The following CNTN4 variants were observed in gnomAD, a reference collection of about 807,000 sequenced individuals.
CNTN4 encodes contactin-4.
A neutral mutation model predicts 122.5 loss-of-function variants in CNTN4; 77 were observed. The observed-to-expected ratio is 0.63, with a 90% CI of 0.52 to 0.76. The LOEUF (loss-of-function observed/expected upper bound fraction) is 0.76, where lower values mean the gene tolerates loss of function less well. CNTN4 is among the 30% of genes least tolerant of loss of function. The pLI, the probability that CNTN4 is intolerant of heterozygous loss-of-function variation, is 0.00. For missense variants in CNTN4, 1,256 were observed against 1,259.1 expected (o/e 1.00, Z 0.04); for synonymous variants, 512 against 447.0 (o/e 1.15, Z -1.83).
intron 2 of CNTN4, among the ~76,000 whole-genome samples, chr3:2,202,702 A>T (rs1397402137): frequency 6.6e-6 from 1 of 152,152 alleles, no homozygotes. Flanking sequence ...AAGGTCACAT[A>T]GCTAGATAAT....
intron 3 of CNTN4, among the ~76,000 whole-genome samples, chr3:2,465,055 T>C (rs942679564): frequency 6.6e-6 from 1 of 152,224 alleles, no homozygotes; most frequent in African/African-American, 2.4e-5. Context: ...TGGTGATGGT[T>C]GCACAGCAGT....
chr3:2,197,769 A>G (rs2037914263), intron 2 of CNTN4, among the ~76,000 whole-genome samples: 1 of 152,126 alleles, frequency 6.6e-6, no homozygotes, highest in South Asian at 2.1e-4. Context: ...TAATAACAGC[A>G]CTTTAGGAGG....
chr3:2,455,854 G>A (rs1559567851), intron 3 of CNTN4, among the ~76,000 whole-genome samples: 1 of 151,972 alleles, frequency 6.6e-6, no homozygotes, highest in African/African-American at 2.4e-5. Flanking sequence ...TGTATTAGTG[G>A]AGACTAAACC....
chr3:2,910,082 C>G (rs2094283588), intron 12 of CNTN4, among the ~76,000 whole-genome samples: 1 of 152,212 alleles, frequency 6.6e-6, no homozygotes. Context: ...CCCATTTCAA[C>G]AAGAGAGTGA....
intron 3 of CNTN4, among the ~76,000 whole-genome samples, chr3:2,439,445 A>G (rs1056590894): frequency 6.6e-6 from 1 of 152,128 alleles, no homozygotes; most frequent in African/African-American, 2.4e-5. Context: ...TATGATTTTT[A>G]AAAATCTGGA....
chr3:2,149,982 C>G (rs992242789), intron 2 of CNTN4, among the ~76,000 whole-genome samples: 1 of 102,874 alleles, frequency 9.7e-6, no homozygotes, highest in Non-Finnish European at 2.1e-5. Flanking sequence ...TTTTTTTTTT[C>G]TGTATTATAT....
chr3:2,668,281 G>C (rs1349659017), intron 4 of CNTN4, among the ~76,000 whole-genome samples: 1 of 151,686 alleles, frequency 6.6e-6, no homozygotes, highest in African/African-American at 2.4e-5. Context: ...GCAGTGGTTT[G>C]TAGTTCTCCT....
At chr3:2,378,151 C>T (rs540043202) in intron 3 of CNTN4, among the ~76,000 whole-genome samples, 3 of 152,218 alleles carry the variant, frequency 2.0e-5, no homozygotes, top group Non-Finnish European at 4.4e-5. Flanking sequence ...GACAAATGGG[C>T]CCAACATACA....
intron 2 of CNTN4, among the ~76,000 whole-genome samples, chr3:2,239,855 G>T (rs1396941449): frequency 6.6e-6 from 1 of 152,116 alleles, no homozygotes; most frequent in East Asian, 1.9e-4. Flanking sequence ...AGGAAGGAAG[G>T]CTCGTCTGTA....
chr3:2,776,414 ATC>A (rs1187381337), intron 6 of CNTN4, among the ~76,000 whole-genome samples: 10 of 151,604 alleles, frequency 6.6e-5, no homozygotes, highest in African/African-American at 9.7e-5. Flanking sequence ...GGGGTCCTCT[ATC>A]TCAGGGCCAT....
At chr3:2,133,105 A>G (rs2034528000) in intron 2 of CNTN4, among the ~76,000 whole-genome samples, 1 of 152,288 alleles carries the variant, frequency 6.6e-6, no homozygotes, top group South Asian at 2.1e-4. Flanking sequence ...GTTGGATAGG[A>G]GGAGTTGAGA....
chr3:2,509,564 G>A (rs557575929), intron 3 of CNTN4, among the ~76,000 whole-genome samples: 3 of 152,116 alleles, frequency 2.0e-5, no homozygotes, highest in Admixed American at 2.0e-4. Flanking sequence ...CTGTTTTGGG[G>A]ATACTTGAGT....
intron 2 of CNTN4, among the ~76,000 whole-genome samples, chr3:2,112,149 CTTAT>C (rs2033011536): frequency 6.6e-6 from 1 of 152,020 alleles, no homozygotes; most frequent in Non-Finnish European, 1.5e-5. Flanking sequence ...GGTCAAGAAT[CTTAT>C]TTATTAGAAA....
At chr3:2,383,862 A>G (rs1256023008) in intron 3 of CNTN4, among the ~76,000 whole-genome samples, 2 of 151,758 alleles carry the variant, frequency 1.3e-5, no homozygotes, top group African/African-American at 2.4e-5. Context: ...AATTCTGTAT[A>G]CAGTTACTCC....
chr3:2,157,140 T>C (rs1481157827), intron 2 of CNTN4, among the ~76,000 whole-genome samples: 1 of 152,216 alleles, frequency 6.6e-6, no homozygotes. Context: ...ATTTCTGTCT[T>C]ACACATTTAA....
intron 8 of CNTN4, among the ~76,000 whole-genome samples, chr3:2,867,876 C>G (rs2093741907): frequency 6.6e-6 from 1 of 152,078 alleles, no homozygotes; most frequent in Non-Finnish European, 1.5e-5. Context: ...ATATGTAGTA[C>G]CTTATTCACA....
intron 4 of CNTN4, among the ~76,000 whole-genome samples, chr3:2,701,210 T>A (rs1003963114): frequency 3.9e-5 from 6 of 152,158 alleles, no homozygotes; most frequent in Admixed American, 2.0e-4. Context: ...TTGCCCCACT[T>A]AGCATCTGTA....
chr3:2,441,450 G>GA (rs1397051047), intron 3 of CNTN4, among the ~76,000 whole-genome samples: 8 of 152,164 alleles, frequency 5.3e-5, no homozygotes. Context: ...GTCCCCGAAA[G>GA]AGACTCTTGT....
chr3:2,603,720 C>G (rs2081143135), intron 4 of CNTN4, among the ~76,000 whole-genome samples: 1 of 152,298 alleles, frequency 6.6e-6, no homozygotes, highest in African/African-American at 2.4e-5. Flanking sequence ...TGGTCTATTA[C>G]TTCTTCAACA....
Sources: allele counts gnomAD v4.1 joint callset (sites outside exome capture counted in the v4.1 genomes callset), GRCh38; gene constraint gnomAD v4.1.1; transcripts MANE v1.5; gene names NCBI Gene and HGNC (gene_info 2026-07-23, HGNC 2026-07-21).